The following STPG1 variants were observed in gnomAD, a reference collection of about 807,000 sequenced individuals.
STPG1 encodes O(6)-methylguanine-induced apoptosis 2.
A neutral mutation model predicts 40.1 loss-of-function variants in STPG1; 33 were observed. That is an observed-to-expected ratio of 0.82 (90% CI 0.62 to 1.10). The LOEUF is 1.10. STPG1 is among the 50% of genes least tolerant of loss of function. The probability of loss-of-function intolerance (pLI) is 0.00; values close to 1 mark genes in which losing one functional copy is unlikely to be tolerated. For synonymous variants in STPG1, 150 were observed against 155.0 expected, an observed-to-expected ratio of 0.97 and a Z score of 0.24; for missense variants, 396 against 415.1, an observed-to-expected ratio of 0.95 and a Z score of 0.40.
Position 24,369,787 on chromosome 1 carries a change from C to T in STPG1, c.624G>A (p.Met208Ile). Residue 208 changes from methionine to isoleucine, a missense_variant, in exon 7 of 9, where the codon ATG becomes ATA. Physicochemically the swap from Met to Ile is conservative, Grantham distance 10. Transcript: ENST00000337248. ...SLVKQSPNTL[M>I]SCFKSKTNRG... ...GGTTGGTTTTTGATTTAAAACAAGA[C>T]ATTAATGTATTTGGCGACTGCTTCA... 6.2e-7 allele frequency: 1 copy of T among 1,612,822 alleles called. No homozygotes were observed. The highest frequency in any genetic ancestry group is 8.5e-7 in the Non-Finnish European group (1 of 1,178,990).
intron 4 of STPG1, 34 bp from the exon 5 acceptor site, chr1:24,379,857 C>A: frequency 1.2e-6 from 2 of 1,601,836 alleles, no homozygotes; most frequent in Non-Finnish European, 1.7e-6. Context: ...TCAGCATTGT[C>A]ACATAATATT....
At chr1:24,392,222 A>T (rs751003248) in intron 2 of STPG1, among the ~76,000 whole-genome samples, 2 of 152,322 alleles carry the variant, frequency 1.3e-5, no homozygotes, top group South Asian at 4.1e-4. Context: ...GCAGAAAGGG[A>T]TCATCTATAG....
At chr1:24,360,433 G>A (rs956990896) in intron 8 of STPG1, among the ~76,000 whole-genome samples, 5 of 152,136 alleles carry the variant, frequency 3.3e-5, no homozygotes, top group South Asian at 2.1e-4. Flanking sequence ...GCGATACAGC[G>A]AGACTCCGTC....
At chr1:24,389,948 G>A (rs1346566979) in intron 3 of STPG1, among the ~76,000 whole-genome samples, 2 of 152,118 alleles carry the variant, frequency 1.3e-5, no homozygotes, top group South Asian at 2.1e-4. Context: ...ATCAGAAGTG[G>A]AAGAAACTTG....
chr1:24,400,190 C>A (rs528105001), intron 2 of STPG1, among the ~76,000 whole-genome samples: 1 of 152,196 alleles, frequency 6.6e-6, no homozygotes, highest in East Asian at 1.9e-4. Flanking sequence ...ATAAAATGAA[C>A]AAATTACTCA....
At chr1:24,364,971 C>T (rs1481339038) in intron 7 of STPG1, among the ~76,000 whole-genome samples, 1 of 152,208 alleles carries the variant, frequency 6.6e-6, no homozygotes, top group Non-Finnish European at 1.5e-5. Context: ...CCTCCAGACA[C>T]TCCCAGGCAC....
chr1:24,393,819 G>C (rs1159015501), intron 2 of STPG1, among the ~76,000 whole-genome samples: 1 of 152,204 alleles, frequency 6.6e-6, no homozygotes, highest in African/African-American at 2.4e-5. Flanking sequence ...AGGGATCCCT[G>C]AGAGAAGCAA....
chr1:24,386,318 G>A (rs968753435), intron 3 of STPG1, among the ~76,000 whole-genome samples: 4 of 152,166 alleles, frequency 2.6e-5, no homozygotes, highest in African/African-American at 7.2e-5. Context: ...TGAGTCCAAG[G>A]CAAATGGCAA....
chr1:24,378,540 CAGG>C (rs1642134885), intron 5 of STPG1, among the ~76,000 whole-genome samples: 1 of 152,112 alleles, frequency 6.6e-6, no homozygotes. Context: ...GAGGCTGAGG[CAGG>C]AGAATGGTGT....
chr1:24,391,138 A>T (rs1270296175), intron 3 of STPG1: 1 of 153,424 alleles, frequency 6.5e-6, no homozygotes. Flanking sequence ...AGGTAATTCT[A>T]GATGTATTCG....
chr1:24,365,050 G>A (rs1252685722), intron 7 of STPG1, among the ~76,000 whole-genome samples: 1 of 152,174 alleles, frequency 6.6e-6, no homozygotes. Context: ...ATCATTAAAG[G>A]GCAGCCGATT....
chr1:24,363,974 C>T (rs374058055), intron 7 of STPG1, among the ~76,000 whole-genome samples: 1 of 152,292 alleles, frequency 6.6e-6, no homozygotes, highest in East Asian at 1.9e-4. Context: ...ACTTACAAAC[C>T]CTGATGAAAA....
intron 8 of STPG1, among the ~76,000 whole-genome samples, chr1:24,360,443 C>CT (rs1233381933): frequency 2.8e-4 from 42 of 152,032 alleles, no homozygotes; most frequent in African/African-American, 9.2e-4. Flanking sequence ...GAGACTCCGT[C>CT]TCAAAAAAAT....
intron 2 of STPG1, among the ~76,000 whole-genome samples, chr1:24,395,486 G>A (rs1358885132): frequency 1.4e-5 from 2 of 143,412 alleles, no homozygotes; most frequent in Non-Finnish European, 3.0e-5. Flanking sequence ...AGGCTGGAGT[G>A]CAATGGCGCT....
chr1:24,413,454 A>G (rs1195546786), intron 1 of STPG1, among the ~76,000 whole-genome samples: 1 of 152,168 alleles, frequency 6.6e-6, no homozygotes. Flanking sequence ...AGTTGTCACC[A>G]CTTTTCGGGT....
chr1:24,403,570 G>T (rs1438617441), intron 1 of STPG1, among the ~76,000 whole-genome samples: 1 of 151,904 alleles, frequency 6.6e-6, no homozygotes, highest in Non-Finnish European at 1.5e-5. Flanking sequence ...TCTTAACTTT[G>T]TTGAGTATTA....
intron 2 of STPG1, among the ~76,000 whole-genome samples, chr1:24,395,684 G>A (rs1345025886): frequency 2.0e-5 from 3 of 152,152 alleles, no homozygotes; most frequent in Non-Finnish European, 2.9e-5. Context: ...TGCCCGCCCC[G>A]GCTTCTCAAA....
chr1:24,401,062 G>C (rs1477317710), intron 2 of STPG1: 1 of 400,070 alleles, frequency 2.5e-6, no homozygotes, highest in Admixed American at 4.0e-5. Context: ...CAGATACATG[G>C]AACTAACAAG....
chr1:24,360,737 T>G (rs1641048939), intron 8 of STPG1, 114 bp downstream of exon 8: 1 of 932,828 alleles, frequency 1.1e-6, no homozygotes, highest in African/African-American at 1.6e-5. Context: ...TCTACCCTCA[T>G]CCCTGTAACC....
Sources: gnomAD v4.1 joint callset for allele counts (sites outside exome capture counted in the v4.1 genomes callset) on GRCh38, gnomAD v4.1.1 for gene constraint, MANE v1.5 for transcripts, NCBI Gene and HGNC (gene_info 2026-07-23, HGNC 2026-07-21) for gene names.